The following EIF4G3 variants were observed in gnomAD, a reference collection of about 807,000 sequenced individuals.
EIF4G3 encodes eukaryotic translation initiation factor 4 gamma 3, also known as eIF-4-gamma 3.
Under a neutral mutation model 186.4 loss-of-function variants are expected in EIF4G3, and 34 were observed. That is an observed-to-expected ratio of 0.18 (90% CI 0.14 to 0.24). The LOEUF (loss-of-function observed/expected upper bound fraction) is 0.24. Ranked by LOEUF, EIF4G3 falls within the 10% of genes least tolerant of loss-of-function variation. The probability of loss-of-function intolerance (pLI) is 1.00; values close to 1 mark genes in which losing one functional copy is unlikely to be tolerated. For missense variants in EIF4G3, 1,536 were observed against 1,948.5 expected (o/e 0.79, Z 3.99); for synonymous variants, 673 against 679.5 (o/e 0.99, Z 0.15).
intron 28 of EIF4G3, among the ~76,000 whole-genome samples, chr1:20,850,266 T>C (rs1456062381): frequency 6.6e-6 from 1 of 152,138 alleles, no homozygotes; most frequent in Non-Finnish European, 1.5e-5. Context: ...TAAAAACACA[T>C]AGGGCAGCTG....
chr1:21,053,962 G>A (rs2154577590), intron 3 of EIF4G3, among the ~76,000 whole-genome samples: 1 of 152,276 alleles, frequency 6.6e-6, no homozygotes, highest in South Asian at 2.1e-4. Flanking sequence ...ACCCCGTCTG[G>A]GAGGTGTACT....
chr1:20,816,523 C>A (rs1439853908), intron 34 of EIF4G3, among the ~76,000 whole-genome samples: 1 of 74,936 alleles, frequency 1.3e-5, no homozygotes, highest in Non-Finnish European at 2.7e-5. Context: ...CGGCCAGCCG[C>A]CCTATCCAGG....
intron 3 of EIF4G3, among the ~76,000 whole-genome samples, chr1:21,070,197 C>T (rs181636377): frequency 2.0e-5 from 3 of 151,988 alleles, no homozygotes; most frequent in African/African-American, 7.2e-5. Flanking sequence ...AGAATTATTA[C>T]CAATTTGCAT....
At chr1:20,861,699 C>T (rs2076379964) in intron 23 of EIF4G3, among the ~76,000 whole-genome samples, 2 of 152,148 alleles carry the variant, frequency 1.3e-5, no homozygotes, top group Non-Finnish European at 2.9e-5. Flanking sequence ...AGTGGCTGGG[C>T]GTGGTGGCTC....
At chr1:21,040,939 T>C (rs1398859363) in intron 4 of EIF4G3, among the ~76,000 whole-genome samples, 3 of 152,090 alleles carry the variant, frequency 2.0e-5, no homozygotes, top group African/African-American at 7.2e-5. Context: ...GGTGTTTCTG[T>C]ACCTCACTTC....
intron 4 of EIF4G3, among the ~76,000 whole-genome samples, chr1:21,016,313 G>A (rs1182789840): frequency 6.6e-6 from 1 of 152,038 alleles, no homozygotes; most frequent in Non-Finnish European, 1.5e-5. Flanking sequence ...AACAAAAAGA[G>A]AATCAAAATG....
intron 2 of EIF4G3, among the ~76,000 whole-genome samples, chr1:21,113,440 G>GA (rs1434347073): frequency 6.6e-6 from 1 of 151,702 alleles, no homozygotes; most frequent in East Asian, 1.9e-4. Flanking sequence ...CAGGAAAAAA[G>GA]AAGAGTATTT....
chr1:20,986,743 C>CAAAAAAA (rs2079579605), intron 7 of EIF4G3, among the ~76,000 whole-genome samples: 1 of 8,706 alleles, frequency 1.1e-4, no homozygotes, highest in Non-Finnish European at 2.5e-4. Context: ...AGCTCTGTCT[C>CAAAAAAA]CAAAAAAAAA....
intron 2 of EIF4G3, among the ~76,000 whole-genome samples, chr1:21,133,075 T>C (rs2097182407): frequency 6.6e-6 from 1 of 151,748 alleles, no homozygotes; most frequent in African/African-American, 2.4e-5. Context: ...TGAGCAATCA[T>C]GCCCGGCCCC....
At chr1:21,154,258 G>C (rs1200478773) in intron 2 of EIF4G3, among the ~76,000 whole-genome samples, 1 of 152,092 alleles carries the variant, frequency 6.6e-6, no homozygotes, top group Non-Finnish European at 1.5e-5. Flanking sequence ...TACATGCTCA[G>C]ACACAGGAAA....
intron 2 of EIF4G3, among the ~76,000 whole-genome samples, chr1:21,155,006 T>C (rs2102857658): frequency 6.6e-6 from 1 of 152,260 alleles, no homozygotes; most frequent in African/African-American, 2.4e-5. Flanking sequence ...CTCACGCCTG[T>C]AATCCCAGAA....
At chr1:20,911,196 C>T (rs949937043) in intron 14 of EIF4G3, among the ~76,000 whole-genome samples, 2 of 152,036 alleles carry the variant, frequency 1.3e-5, no homozygotes, top group African/African-American at 2.4e-5. Flanking sequence ...GGAGAACTTA[C>T]GGAGTTCATA....
At chr1:21,081,984 G>A (rs1263223854) in intron 3 of EIF4G3, among the ~76,000 whole-genome samples, 3 of 150,706 alleles carry the variant, frequency 2.0e-5, no homozygotes, top group South Asian at 2.1e-4. Context: ...ACAGAGACAC[G>A]GTCTCACCAT....
intron 13 of EIF4G3, among the ~76,000 whole-genome samples, chr1:20,944,936 T>C (rs1474333031): frequency 3.3e-5 from 5 of 151,970 alleles, no homozygotes; most frequent in African/African-American, 1.2e-4. Flanking sequence ...GCCCTGGAGG[T>C]TGAGGCTGCA....
chr1:21,051,741 T>G (rs1404805924), intron 3 of EIF4G3, among the ~76,000 whole-genome samples: 1 of 152,098 alleles, frequency 6.6e-6, no homozygotes, highest in African/African-American at 2.4e-5. Context: ...CATCCACCTG[T>G]AGAAATAGTT....
intron 29 of EIF4G3, among the ~76,000 whole-genome samples, chr1:20,841,725 G>A (rs1301653092): frequency 6.6e-6 from 1 of 152,252 alleles, no homozygotes; most frequent in African/African-American, 2.4e-5. Context: ...TCTGAAGGGT[G>A]AAAGTCGGTC....
intron 14 of EIF4G3, among the ~76,000 whole-genome samples, chr1:20,914,156 T>C (rs1338037169): frequency 6.6e-6 from 1 of 151,920 alleles, no homozygotes; most frequent in Non-Finnish European, 1.5e-5. Flanking sequence ...TAAATTTCCA[T>C]CTATGTACTG....
chr1:21,131,809 A>G (rs2097159295), intron 2 of EIF4G3, among the ~76,000 whole-genome samples: 1 of 152,080 alleles, frequency 6.6e-6, no homozygotes, highest in Non-Finnish European at 1.5e-5. Context: ...CCATCTCTAC[A>G]AGAAACAGAA....
chr1:20,813,520 G>A (rs1275865195), intron 34 of EIF4G3, among the ~76,000 whole-genome samples: 9 of 151,042 alleles, frequency 6.0e-5, no homozygotes. Context: ...AGTAAGCAAT[G>A]ACTGCACCAC....
Sources: gnomAD v4.1 joint callset for allele counts (sites outside exome capture counted in the v4.1 genomes callset) on GRCh38, gnomAD v4.1.1 for gene constraint, MANE v1.5 for transcripts, NCBI Gene and HGNC (gene_info 2026-07-23, HGNC 2026-07-21) for gene names.